TAF7L: variants seen among roughly 807,000 people sequenced by gnomAD.
The protein encoded by TAF7L is transcription initiation factor TFIID subunit 7-like.
Under a neutral mutation model 30.2 loss-of-function variants are expected in TAF7L, and 6 were observed. The ratio of observed to expected loss-of-function variants is 0.20; its 90% CI spans 0.11 to 0.39. The LOEUF is 0.39. Ranked by LOEUF, TAF7L falls within the 10% of genes least tolerant of loss-of-function variation. TAF7L has a pLI of 1.00. For synonymous variants in TAF7L, 93 were observed against 94.5 expected, an observed-to-expected ratio of 0.98 and a Z score of 0.09; for missense variants, 284 against 277.1, an observed-to-expected ratio of 1.03 and a Z score of -0.18.
At chrX:101,274,665 T>C (rs191002563) in intron 12 of TAF7L, among the ~76,000 whole-genome samples, 1 of 111,510 alleles carries the variant, frequency 9.0e-6, no homozygotes, top group East Asian at 2.8e-4. Flanking sequence ...GGTTCCTACC[T>C]TGTGCCCTGA....
At chrX:101,273,530 A>G (rs1393262128) in intron 12 of TAF7L, among the ~76,000 whole-genome samples, 1 of 111,536 alleles carries the variant, frequency 9.0e-6, no homozygotes, top group Non-Finnish European at 1.9e-5. Flanking sequence ...CGGATGTTGC[A>G]GTGAGCCTAG....
At chrX:101,279,144 CAAT>C in intron 6 of TAF7L, 109 bp from the exon 7 acceptor site, 1 of 599,048 alleles carries the variant, frequency 1.7e-6, no homozygotes, top group South Asian at 3.6e-5. Flanking sequence ...AGTAGGCACT[CAAT>C]AAATGTTGAT....
In TAF7L at chrX:101,276,455, TTCA is replaced by T. The variant is rs778573535; in HGVS notation, c.762_764del (p.Asp254del). The T allele has an allele frequency of 3.1e-5, 37 of 1,183,134 alleles. No homozygotes were observed. Among genetic ancestry groups the T allele is most frequent in the Admixed American group, 8.8e-5 (4 of 45,215 alleles). ...CCTCATCCTCATCCTCATCCTCATC[TTCA>T]TCATCCTCATCCTCATCATCATCAT... is the stretch of plus-strand genomic sequence containing the variant. On this transcript the variant is annotated inframe_deletion, in exon 10 of 13. Coordinates refer to ENST00000356784, the MANE Select transcript of TAF7L (RefSeq NM_001168474.2).
rs139175880 is a variant in TAF7L at position 101,270,111 on chromosome X, C to T, written c.1087-874G>A. ...CTGATGATGTTCTACTTAATGCTTT[C>T]TAAGTTAGAAGCCCTGAACATTTTG... On this transcript the variant is annotated intron_variant, in intron 12 of 12. Coordinates refer to ENST00000356784, the MANE Select transcript of TAF7L (RefSeq NM_001168474.2). Among the ~76,000 whole-genome samples the T allele has an allele frequency of 7.1e-3, 798 of 111,932 alleles. 9 individuals are homozygous for T. Among genetic ancestry groups the T allele is most frequent in the African/African-American group, 0.025 (772 of 30,855 alleles).
chrX:101,289,336 G>A (rs1408488820), intron 1 of TAF7L, among the ~76,000 whole-genome samples: 1 of 111,915 alleles, frequency 8.9e-6, no homozygotes, highest in African/African-American at 3.2e-5. Context: ...CTATTGTAAT[G>A]CTGCAGTGAA....
chrX:101,274,624 C>T lies in TAF7L; in HGVS notation c.1086+598G>A, dbSNP rs768957604. ...GGTGTGAGTGTGGGTGTGAGTGTGC[C>T]CTGCAATGGGATGCCATCCTATCCA... is the stretch of plus-strand genomic sequence containing the variant. On this transcript the variant is annotated intron_variant, in intron 12 of 12. Coordinates refer to ENST00000356784, the MANE Select transcript of TAF7L (RefSeq NM_001168474.2). 6.3e-5 allele frequency among the ~76,000 whole-genome samples: 7 copies of T among 110,745 alleles called. No homozygotes were observed. In the South Asian group the frequency reaches 2.7e-3, roughly 42 times the overall value.
upstream of TAF7L, chrX:101,291,425 T>A (rs1924798127): frequency 3.3e-6 from 1 of 306,142 alleles, no homozygotes; most frequent in East Asian, 2.2e-4. Context: ...CCCAGCGGAC[T>A]GGAGCACGAC....
At position 101,275,911 on chromosome X, in the gene TAF7L, C is replaced by T. The variant is rs1924150244; in HGVS notation, c.1026+89G>A. 5 of 646,301 alleles carry T rather than the reference C, an allele frequency of 7.7e-6. No individual in the cohort carries two copies. The South Asian group carries it at 1.5e-4, about 19-fold the overall frequency. 53.3% of individuals were successfully genotyped at this position (646,301 alleles called of 1,213,427 possible). A position where few individuals can be genotyped will look rare whatever the true frequency, so the allele number is the denominator to read the frequency against. On this transcript the variant is annotated intron_variant, in intron 11 of 12. Transcript: ENST00000356784. ...GTTTAGGTTCATGAATGAACAAGAA[C>T]CCTGCACAGAGATAACATAAGTGGA...
At chrX:101,275,118 A>G in intron 12 of TAF7L, 104 bp downstream of exon 12, 1 of 616,300 alleles carries the variant, frequency 1.6e-6, no homozygotes. Context: ...AGATTTGGCT[A>G]CCACTATTCC....
chrX:101,288,411 G>C (rs896056864), intron 1 of TAF7L, among the ~76,000 whole-genome samples: 4 of 109,241 alleles, frequency 3.7e-5, no homozygotes, highest in Non-Finnish European at 5.7e-5. Context: ...CCAAAGTGCT[G>C]GGATTACAGG....
intron 12 of TAF7L, among the ~76,000 whole-genome samples, chrX:101,273,460 G>A (rs959013769): frequency 3.6e-5 from 4 of 110,163 alleles, no homozygotes; most frequent in Non-Finnish European, 5.7e-5. Context: ...ATGGTGGCAC[G>A]TGCCTGTAGT....
At chrX:101,292,252 T>TAA (rs1360464998), upstream of TAF7L, among the ~76,000 whole-genome samples, 43 of 23,743 alleles carry the variant, frequency 1.8e-3, 1 homozygote, top group Admixed American at 9.6e-3. Context: ...AAAAAAAAAA[T>TAA]AAATAAAAAA....
chrX:101,278,890 G>T, intron 7 of TAF7L, 104 bp downstream of exon 7: 1 of 729,385 alleles, frequency 1.4e-6, no homozygotes, highest in Non-Finnish European at 2.1e-6. Flanking sequence ...GAGAAGGAAG[G>T]CTCAAAAGTA....
At chrX:101,281,572 T>C (rs773788141) in intron 6 of TAF7L, 148 bp downstream of exon 6, 367 of 542,868 alleles carry the variant, frequency 6.8e-4, no homozygotes, top group Non-Finnish European at 1.1e-3. Context: ...TAGCATACAG[T>C]GCCTGGCATT....
intron 3 of TAF7L, among the ~76,000 whole-genome samples, chrX:101,284,451 G>T (rs1476180124): frequency 1.8e-5 from 2 of 111,850 alleles, no homozygotes; most frequent in Non-Finnish European, 3.8e-5. Flanking sequence ...TGCAATCTCC[G>T]CCCCCTGGGT....
At chrX:101,290,433 T>C (rs767100349) in intron 1 of TAF7L, among the ~76,000 whole-genome samples, 1 of 111,558 alleles carries the variant, frequency 9.0e-6, no homozygotes, top group Admixed American at 9.5e-5. Flanking sequence ...TAACAGAACA[T>C]AGTAACAATT....
chrX:101,270,184 T>C, intron 12 of TAF7L, among the ~76,000 whole-genome samples: 1 of 112,142 alleles, frequency 8.9e-6, no homozygotes, highest in East Asian at 2.8e-4. Context: ...AAGTGACCAA[T>C]AACATTCAGA....
intron 6 of TAF7L, among the ~76,000 whole-genome samples, chrX:101,280,129 G>A (rs371156779): frequency 1.3e-3 from 146 of 109,245 alleles, no homozygotes; most frequent in African/African-American, 4.0e-3. Flanking sequence ...AAGCAAGATC[G>A]TTTTCAAAAA....
At chrX:101,277,743 A>G (rs774431485) in intron 8 of TAF7L, 24 bp from the exon 9 acceptor site, 85 of 1,072,482 alleles carry the variant, frequency 7.9e-5, no homozygotes, top group Non-Finnish European at 1.0e-4. Flanking sequence ...GTAGTCAAGG[A>G]AAACACAGAA....
Sources: allele counts gnomAD v4.1 joint callset (sites outside exome capture counted in the v4.1 genomes callset), GRCh38; gene constraint gnomAD v4.1.1; transcripts MANE v1.5; gene names NCBI Gene and HGNC (gene_info 2026-07-23, HGNC 2026-07-21).